The following PALD1 variants were observed in gnomAD, a reference collection of about 807,000 sequenced individuals.
PALD1 encodes phosphatase domain containing paladin 1, also known as paladin.
A neutral mutation model predicts 96.0 loss-of-function variants in PALD1; 57 were observed. That is an observed-to-expected ratio of 0.59 (90% CI 0.48 to 0.74). The LOEUF is 0.74. PALD1 is among the 30% of genes least tolerant of loss of function. The probability of loss-of-function intolerance (pLI) is 0.00; values close to 1 mark genes in which losing one functional copy is unlikely to be tolerated. For synonymous variants in PALD1, 464 were observed against 473.6 expected (o/e 0.98, Z 0.26); for missense variants, 1,063 against 1,143.7 (o/e 0.93, Z 1.02).
rs767240221 is a variant in PALD1 at position 70,538,893 on chromosome 10, G to A, written c.1454G>A (p.Arg485Gln). ...CCAGGCTTGGTGCTCTCCCCACAGC[G>A]GGAGGACGATCTGGTCTCCCCGGAC... ...PRDLIARGSL[R>Q]EDDLVSPDAL... The change falls in exon 13 of 20, where the codon CGG (arginine) becomes CAG (glutamine). Residue 485 changes from arginine to glutamine, a missense_variant and splice_region_variant. Transcript: ENST00000263563. The A allele has an allele frequency of 8.1e-6, 13 of 1,612,810 alleles. No homozygotes were observed. The highest frequency in any genetic ancestry group is 3.3e-5 in the South Asian group (3 of 91,072).
intron 1 of PALD1, among the ~76,000 whole-genome samples, chr10:70,504,296 G>A (rs1846347968): frequency 6.6e-6 from 1 of 152,234 alleles, no homozygotes; most frequent in South Asian, 2.1e-4. Flanking sequence ...GGAGGCTGAG[G>A]TGGGTGGATC....
At chr10:70,516,525 A>G (rs1320334224) in intron 1 of PALD1, among the ~76,000 whole-genome samples, 1 of 152,124 alleles carries the variant, frequency 6.6e-6, no homozygotes, top group Non-Finnish European at 1.5e-5. Flanking sequence ...TATCATTTTG[A>G]GATGTAATCA....
chr10:70,517,445 G>A lies in PALD1; in HGVS notation c.-29-8478G>A, dbSNP rs1031127432. ...CAGCCTCCGTCTCCTGGGTTCAAGC[G>A]ATCCTCCTGCCTCAGCCTCCTGAGA... On this transcript the variant is annotated intron_variant, in intron 1 of 19. Coordinates refer to ENST00000263563, the MANE Select transcript of PALD1 (RefSeq NM_014431.3). 4.0e-5 allele frequency among the ~76,000 whole-genome samples: 6 copies of A among 151,420 alleles called. No individual in the cohort carries two copies. The East Asian group carries it at 9.7e-4, about 25-fold the overall frequency.
chr10:70,556,279 C>CCTCCCTCTCTCCCTCTCTCTCTCT (rs527928462), intron 18 of PALD1, among the ~76,000 whole-genome samples: 217 of 128,716 alleles, frequency 1.7e-3, no homozygotes, highest in Non-Finnish European at 1.1e-3. Flanking sequence ...GTAGCCGAGA[C>CCTCCCTCTCTCCCTCTCTCTCTCT]CTCTCTCTCT....
intron 2 of PALD1, among the ~76,000 whole-genome samples, chr10:70,528,531 C>T (rs1289516907): frequency 1.3e-5 from 2 of 152,184 alleles, no homozygotes; most frequent in African/African-American, 4.8e-5. Context: ...AGTTGGGCTT[C>T]ATGCCCCAAG....
At chr10:70,550,915 AATGTTGCTGTGAAAAT>A (rs1847466629) in intron 18 of PALD1, among the ~76,000 whole-genome samples, 4 of 152,162 alleles carry the variant, frequency 2.6e-5, no homozygotes, top group Admixed American at 2.6e-4. Flanking sequence ...TATTATGAAT[AATGTTGCTGTGAAAAT>A]TCATGTACAA....
At position 70,564,391 on chromosome 10, in the gene PALD1, ATGCGGAGGCTGCAGC is replaced by A. The variant is rs763899874; in HGVS notation, c.2298_2312del (p.Arg766_Arg770del). ...GAAGGCAGCGAAAGAGGCGCAAGAA[ATGCGGAGGCTGCAGC>A]TGCGGAGCCTGCAGTACTTGGAGCG... On this transcript the variant is annotated inframe_deletion, in exon 19 of 20. Coordinates refer to ENST00000263563, the MANE Select transcript of PALD1 (RefSeq NM_014431.3). 6.2e-7 allele frequency: 1 copy of A among 1,614,018 alleles called. No homozygotes were observed. The highest frequency in any genetic ancestry group is 8.5e-7 in the Non-Finnish European group (1 of 1,179,964).
intron 10 of PALD1, among the ~76,000 whole-genome samples, chr10:70,537,491 G>C (rs1847138638): frequency 1.3e-5 from 2 of 152,250 alleles, no homozygotes; most frequent in African/African-American, 4.8e-5. Flanking sequence ...ACCCTGACCT[G>C]TTGGGTGTCG....
intron 19 of PALD1, 96 bp downstream of exon 19, chr10:70,564,615 A>ACC: frequency 1.7e-6 from 2 of 1,188,038 alleles, no homozygotes; most frequent in Non-Finnish European, 2.4e-6. Flanking sequence ...GCCTGCGGGG[A>ACC]CCCCGTGACA....
upstream of PALD1, among the ~76,000 whole-genome samples, chr10:70,475,862 T>TGCA (rs1333984427): frequency 6.6e-6 from 1 of 152,180 alleles, no homozygotes; most frequent in Non-Finnish European, 1.5e-5. Context: ...TCATATTCTT[T>TGCA]GCAGCAGCAG....
chr10:70,510,556 G>T (rs1337011489), intron 1 of PALD1, among the ~76,000 whole-genome samples: 1 of 152,148 alleles, frequency 6.6e-6, no homozygotes, highest in African/African-American at 2.4e-5. Context: ...TCAGAAGAAG[G>T]CATTGCCTTT....
intron 1 of PALD1, among the ~76,000 whole-genome samples, chr10:70,484,306 A>G (rs551555210): frequency 1.8e-4 from 28 of 152,206 alleles, no homozygotes; most frequent in African/African-American, 6.0e-4. Context: ...CTCGACCCCA[A>G]TATTTTTCTA....
chr10:70,566,617 G>T lies in PALD1; in HGVS notation c.2455G>T (p.Glu819Ter). ...GGCTGGCATCTACGAGATCCTTAAC[G>T]AGCTGGGCTTCCCCGAGCTGGAGAG... is the stretch of plus-strand genomic sequence containing the variant. ...SKAGIYEILN[E>*]LGFPELESGE... The change falls in exon 20 of 20, where the codon GAG (glutamate) becomes TAG (stop). Residue 819 changes from glutamate (E) to a stop codon, truncating the protein, a stop_gained. Coordinates refer to ENST00000263563, the MANE Select transcript of PALD1 (RefSeq NM_014431.3). LOFTEE classifies it high-confidence loss of function. 1 of 1,611,128 alleles carries T rather than the reference G, an allele frequency of 6.2e-7. No homozygotes were observed. The highest frequency in any genetic ancestry group is 8.5e-7 in the Non-Finnish European group (1 of 1,179,002).
At chr10:70,503,107 C>T (rs1472072424) in intron 1 of PALD1, among the ~76,000 whole-genome samples, 2 of 151,910 alleles carry the variant, frequency 1.3e-5, no homozygotes, top group Middle Eastern at 3.4e-3. Flanking sequence ...CTCAAACTCC[C>T]GACCTCACGT....
At chr10:70,511,240 G>A (rs1846511724) in intron 1 of PALD1, among the ~76,000 whole-genome samples, 1 of 150,650 alleles carries the variant, frequency 6.6e-6, no homozygotes, top group African/African-American at 2.4e-5. Flanking sequence ...TACACAACTT[G>A]GAAGTTTATT....
the PALD1 span, among the ~76,000 whole-genome samples, chr10:70,460,508 ACAC>A: frequency 6.6e-6 from 1 of 152,044 alleles, no homozygotes; most frequent in African/African-American, 2.4e-5. Flanking sequence ...TCCTCCCTCA[ACAC>A]CACAACATCC....
intron 18 of PALD1, among the ~76,000 whole-genome samples, chr10:70,550,331 G>T (rs1287014409): frequency 6.6e-6 from 1 of 152,166 alleles, no homozygotes; most frequent in African/African-American, 2.4e-5. Flanking sequence ...GCTTTAGTGG[G>T]CTTCAGAATC....
chr10:70,518,757 T>C (rs1329550159), intron 1 of PALD1, among the ~76,000 whole-genome samples: 1 of 152,212 alleles, frequency 6.6e-6, no homozygotes, highest in Non-Finnish European at 1.5e-5. Context: ...GGTGTACCCC[T>C]CTCTGCGCTC....
intron 1 of PALD1, among the ~76,000 whole-genome samples, chr10:70,521,656 C>T (rs981560761): frequency 6.6e-6 from 1 of 151,582 alleles, no homozygotes; most frequent in Admixed American, 6.6e-5. Flanking sequence ...CTCAGCCTCC[C>T]GAGTAGCTGG....
Sources: gnomAD v4.1 joint callset for allele counts (sites outside exome capture counted in the v4.1 genomes callset) on GRCh38, gnomAD v4.1.1 for gene constraint, MANE v1.5 for transcripts, NCBI Gene and HGNC (gene_info 2026-07-23, HGNC 2026-07-21) for gene names.